The following PIK3C2G variants were observed in gnomAD, a reference collection of about 807,000 sequenced individuals.
PIK3C2G encodes phosphatidylinositol-4-phosphate 3-kinase catalytic subunit type 2 gamma.
PIK3C2G carries 168 observed loss-of-function variants against 181.1 expected under a neutral mutation model. The observed-to-expected ratio is 0.93, with a 90% confidence interval of 0.82 to 1.05. The LOEUF is 1.05. Among genes scored for constraint, PIK3C2G ranks in the 50% least tolerant of loss-of-function variants. PIK3C2G has a pLI of 0.00. For missense variants in PIK3C2G, 1,869 were observed against 1,732.8 expected (o/e 1.08, Z -1.40); for synonymous variants, 573 against 592.2 (o/e 0.97, Z 0.47).
At chr12:18,683,059 G>T in the PIK3C2G span, 1 of 632,028 alleles carries the variant, frequency 1.6e-6, no homozygotes, top group Non-Finnish European at 2.7e-6. Context: ...ACCCTCTGAA[G>T]TTTCTATTTT....
chr12:18,282,301 A>G lies in PIK3C2G; in HGVS notation c.220A>G (p.Thr74Ala). The G allele has an allele frequency of 6.2e-7, 1 of 1,613,438 alleles. No homozygotes were observed. Among genetic ancestry groups the G allele is most frequent in the Non-Finnish European group, 8.5e-7 (1 of 1,179,440 alleles). Reference sequence around the variant, plus strand: ...GCCCACTGCACCAAAATGGGACTCAACAGGGCATTCATTAAATGAAGCACA... The same window carrying G: ...GCCCACTGCACCAAAATGGGACTCAGCAGGGCATTCATTAAATGAAGCACA... ...FVPTAPKWDS[T>A]GHSLNEAHQI... The change falls in exon 2 of 33, where the codon ACA becomes GCA. Residue 74 changes from threonine (T) to alanine (A), a missense_variant. By Grantham distance (58) the Thr-to-Ala change is moderately conservative. Coordinates refer to ENST00000538779, the MANE Select transcript of PIK3C2G (RefSeq NM_001288772.2).
At chr12:18,501,275 G>A (rs1941459233) in intron 22 of PIK3C2G, among the ~76,000 whole-genome samples, 1 of 152,148 alleles carries the variant, frequency 6.6e-6, no homozygotes, top group Admixed American at 6.5e-5. Flanking sequence ...GGCGGAAGGT[G>A]AAGCGGAAGC....
At chr12:18,680,010 A>G in the PIK3C2G span, among the ~76,000 whole-genome samples, 4 of 151,986 alleles carry the variant, frequency 2.6e-5, no homozygotes, top group Non-Finnish European at 2.9e-5. Flanking sequence ...GAATGCTCAA[A>G]TTTTATGGCC....
intron 32 of PIK3C2G, among the ~76,000 whole-genome samples, chr12:18,642,101 G>T (rs924643456): frequency 6.6e-6 from 1 of 152,072 alleles, no homozygotes; most frequent in Non-Finnish European, 1.5e-5. Flanking sequence ...TGTCTCATAG[G>T]CACTTTTAGA....
intron 29 of PIK3C2G, among the ~76,000 whole-genome samples, chr12:18,583,652 T>C (rs543010583): frequency 1.3e-5 from 2 of 152,220 alleles, no homozygotes; most frequent in South Asian, 4.1e-4. Context: ...GTCCTGGTCA[T>C]CACTTCTTAC....
At chr12:18,314,983 T>A (rs758459050) in intron 6 of PIK3C2G, among the ~76,000 whole-genome samples, 1 of 152,210 alleles carries the variant, frequency 6.6e-6, no homozygotes, top group African/African-American at 2.4e-5. Context: ...CCCTGTGTCA[T>A]GTTGTGAGTT....
At chr12:18,334,261 C>G (rs941052771) in intron 8 of PIK3C2G, among the ~76,000 whole-genome samples, 10 of 152,142 alleles carry the variant, frequency 6.6e-5, no homozygotes, top group African/African-American at 1.9e-4. Flanking sequence ...CAACAGGCAG[C>G]CTACGCAGTT....
At chr12:18,634,066 C>T (rs1949481572) in intron 31 of PIK3C2G, among the ~76,000 whole-genome samples, 1 of 152,130 alleles carries the variant, frequency 6.6e-6, no homozygotes, top group African/African-American at 2.4e-5. Flanking sequence ...CTTGCTGCAG[C>T]CTGGCAAGGT....
chr12:18,464,863 A>G (rs962562291), intron 18 of PIK3C2G, among the ~76,000 whole-genome samples: 4 of 151,940 alleles, frequency 2.6e-5, no homozygotes, highest in African/African-American at 9.7e-5. Flanking sequence ...ATGAATATTT[A>G]TTGTGAGTAC....
upstream of PIK3C2G, among the ~76,000 whole-genome samples, chr12:18,257,100 G>A (rs1948153184): frequency 6.6e-6 from 1 of 152,060 alleles, no homozygotes; most frequent in African/African-American, 2.4e-5. Flanking sequence ...TAATCTTTAA[G>A]GACAAAGCCT....
intron 26 of PIK3C2G, among the ~76,000 whole-genome samples, chr12:18,554,795 T>C (rs1944918155): frequency 6.6e-6 from 1 of 152,120 alleles, no homozygotes; most frequent in Non-Finnish European, 1.5e-5. Flanking sequence ...AACTACTGAT[T>C]TTCTTTATGC....
chr12:18,706,137 G>A, the PIK3C2G span, among the ~76,000 whole-genome samples: 1 of 151,546 alleles, frequency 6.6e-6, no homozygotes. Context: ...GGAGGCTGAG[G>A]CAGGAGAATT....
At chr12:18,569,345 C>A (rs541346610) in intron 29 of PIK3C2G, among the ~76,000 whole-genome samples, 1 of 152,134 alleles carries the variant, frequency 6.6e-6, no homozygotes, top group South Asian at 2.1e-4. Flanking sequence ...ATCACAGTTT[C>A]ATCAGAGATC....
chr12:18,258,132 T>C (rs1948167324), upstream of PIK3C2G, among the ~76,000 whole-genome samples: 1 of 152,154 alleles, frequency 6.6e-6, no homozygotes, highest in South Asian at 2.1e-4. Context: ...CCTTATTTTT[T>C]CCAAATTAAT....
intron 26 of PIK3C2G, among the ~76,000 whole-genome samples, chr12:18,558,011 C>T (rs568716710): frequency 6.6e-6 from 1 of 152,038 alleles, no homozygotes; most frequent in South Asian, 2.1e-4. Context: ...TAAGCTAATT[C>T]TAAAATATAT....
chr12:18,499,745 T>C (rs1370883377), intron 22 of PIK3C2G, among the ~76,000 whole-genome samples: 1 of 152,186 alleles, frequency 6.6e-6, no homozygotes, highest in Non-Finnish European at 1.5e-5. Flanking sequence ...TTATGCACCC[T>C]TGTCTGAAAG....
At chr12:18,346,281 TC>T (rs1318995210) in intron 10 of PIK3C2G, among the ~76,000 whole-genome samples, 8 of 152,212 alleles carry the variant, frequency 5.3e-5, no homozygotes, top group African/African-American at 1.7e-4. Context: ...TTATAAGCCA[TC>T]TATATTCCTT....
chr12:18,665,062 A>G, the PIK3C2G span, among the ~76,000 whole-genome samples: 1 of 151,194 alleles, frequency 6.6e-6, no homozygotes. Flanking sequence ...ATGCTAAATG[A>G]CGAGTTGATG....
the PIK3C2G span, among the ~76,000 whole-genome samples, chr12:18,668,594 TG>T: frequency 1.3e-5 from 2 of 152,134 alleles, no homozygotes; most frequent in Non-Finnish European, 2.9e-5. Context: ...TCTGGCACAC[TG>T]AAGATAGGAC....
Sources: gnomAD v4.1 joint callset for allele counts (sites outside exome capture counted in the v4.1 genomes callset) on GRCh38, gnomAD v4.1.1 for gene constraint, MANE v1.5 for transcripts, NCBI Gene and HGNC (gene_info 2026-07-23, HGNC 2026-07-21) for gene names.